Variants in PAG1 observed in about 807,000 individuals in gnomAD.
PAG1 encodes the protein phosphoprotein membrane anchor with glycosphingolipid microdomains 1.
A neutral mutation model predicts 31.7 loss-of-function variants in PAG1; 23 were observed. The ratio of observed to expected loss-of-function variants is 0.73; its 90% CI spans 0.52 to 1.03. The LOEUF (loss-of-function observed/expected upper bound fraction) is 1.03. Among genes scored for constraint, PAG1 ranks in the 50% least tolerant of loss-of-function variants. PAG1 has a pLI of 0.00. For missense variants in PAG1, 473 were observed against 540.7 expected (o/e 0.87, Z 1.24); for synonymous variants, 214 against 210.3 (o/e 1.02, Z -0.15).
At chr8:81,028,214 G>A (rs1411535029) in intron 3 of PAG1, among the ~76,000 whole-genome samples, 1 of 152,254 alleles carries the variant, frequency 6.6e-6, no homozygotes, top group African/African-American at 2.4e-5. Context: ...AGCCAGCTCA[G>A]TTTCCAGTTC....
In PAG1 at chr8:80,985,094, C is replaced by T. The variant is rs1311226080; in HGVS notation, c.558G>A (p.Glu186=). The T allele has an allele frequency of 6.2e-7, 1 of 1,614,144 alleles. No individual in the cohort carries two copies. Among genetic ancestry groups the T allele is most frequent in the Admixed American group, 1.7e-5 (1 of 60,014 alleles). ...GTGCAGCTGCAGCCACCTCCTTGAT[C>T]TCTTTCACAGTTTCATACAAGCAGT... ...VEDCLYETVK[E]IKEVAAAAHL... The change falls in exon 7 of 9, where the codon GAG becomes GAA. Residue 186 remains glutamate, a synonymous_variant. Transcript: ENST00000220597.
chr8:81,018,308 C>T (rs898629747), intron 3 of PAG1, among the ~76,000 whole-genome samples: 3 of 151,002 alleles, frequency 2.0e-5, no homozygotes, highest in African/African-American at 7.4e-5. Flanking sequence ...TCAAAGTGTA[C>T]ATTATCATTT....
At chr8:80,987,069 GTGT>G (rs1807439288) in intron 6 of PAG1, among the ~76,000 whole-genome samples, 2 of 152,160 alleles carry the variant, frequency 1.3e-5, no homozygotes. Flanking sequence ...TTACAGAGTA[GTGT>G]TATTATTAAT....
chr8:81,078,214 G>C (rs1809208538), intron 1 of PAG1, among the ~76,000 whole-genome samples: 1 of 152,122 alleles, frequency 6.6e-6, no homozygotes, highest in Admixed American at 6.5e-5. Flanking sequence ...AATCTGTTTA[G>C]TAAAATCAAC....
At chr8:81,041,522 T>G (rs1239755486) in intron 2 of PAG1, among the ~76,000 whole-genome samples, 1 of 152,212 alleles carries the variant, frequency 6.6e-6, no homozygotes, top group Non-Finnish European at 1.5e-5. Flanking sequence ...TTTATATCCC[T>G]ATTCCCATTT....
chr8:81,086,494 TGTGTGTGTGTGCGCGCGC>T (rs1219209863), intron 1 of PAG1, among the ~76,000 whole-genome samples: 2 of 151,074 alleles, frequency 1.3e-5, no homozygotes, highest in African/African-American at 4.9e-5. Context: ...GCAAGAAATG[TGTGTGTGTGTGCGCGCGC>T]GTGTGTGTGT....
chr8:81,071,387 ATGGAAACTCTCTTCTCTTGGCCTTT>A (rs1440580247), intron 1 of PAG1, among the ~76,000 whole-genome samples: 17 of 152,234 alleles, frequency 1.1e-4, no homozygotes, highest in African/African-American at 4.1e-4. Context: ...AAGAAAGGCA[ATGGAAACTCTCTTCTCTTGGCCTTT>A]TGCTGGGAAA....
At chr8:81,029,483 A>G (rs1393075419) in intron 3 of PAG1, among the ~76,000 whole-genome samples, 1 of 152,176 alleles carries the variant, frequency 6.6e-6, no homozygotes, top group East Asian at 1.9e-4. Context: ...CTAAAGGCTT[A>G]CTTAGCAGGT....
rs186103879 is a variant in PAG1, at chr8:81,083,765, T to C, written c.-233-13595A>G. On this transcript the variant is annotated intron_variant, in intron 1 of 8. Transcript: ENST00000220597. Reference sequence around the variant, plus strand: ...TATATGGGATCTCAGTCAGGTGTGGTGGCTTACACCTATGATCCCAGCACT... The same window carrying C: ...TATATGGGATCTCAGTCAGGTGTGGCGGCTTACACCTATGATCCCAGCACT... Among the ~76,000 whole-genome samples the C allele has an allele frequency of 4.0e-3, 616 of 152,310 alleles. 1 individual carries two copies. Among genetic ancestry groups the C allele is most frequent in the Non-Finnish European group, 6.9e-3 (466 of 68,024 alleles).
chr8:81,088,259 T>C (rs1809391157), intron 1 of PAG1, among the ~76,000 whole-genome samples: 2 of 152,210 alleles, frequency 1.3e-5, no homozygotes, highest in Non-Finnish European at 2.9e-5. Flanking sequence ...TTACAACTGG[T>C]TATCAATGCT....
chr8:81,021,516 GCA>G (rs1373747816), intron 3 of PAG1, among the ~76,000 whole-genome samples: 13 of 85,294 alleles, frequency 1.5e-4, no homozygotes, highest in South Asian at 3.4e-4. Flanking sequence ...GTGTGTGTGT[GCA>G]TGTGTGTGTG....
intron 3 of PAG1, among the ~76,000 whole-genome samples, chr8:80,999,302 T>G (rs982714037): frequency 5.9e-5 from 9 of 152,316 alleles, no homozygotes; most frequent in Admixed American, 3.9e-4. Flanking sequence ...TACACATGAT[T>G]GTTATCAAGA....
intron 2 of PAG1, among the ~76,000 whole-genome samples, chr8:81,065,909 T>C (rs1414512150): frequency 6.6e-6 from 1 of 152,086 alleles, no homozygotes; most frequent in Non-Finnish European, 1.5e-5. Context: ...AGGATTACAC[T>C]TGACTTACAT....
At chr8:81,054,007 C>T (rs1158290833) in intron 2 of PAG1, among the ~76,000 whole-genome samples, 2 of 152,074 alleles carry the variant, frequency 1.3e-5, no homozygotes, top group South Asian at 2.1e-4. Context: ...AGCTAAAGGA[C>T]GAGTGTGCCT....
At chr8:81,042,267 C>T (rs1808566590) in intron 2 of PAG1, among the ~76,000 whole-genome samples, 1 of 152,062 alleles carries the variant, frequency 6.6e-6, no homozygotes, top group African/African-American at 2.4e-5. Context: ...ACTCAGTGTC[C>T]CCTTCCATAA....
At position 81,104,382 on chromosome 8, in the gene PAG1, C is replaced by T. The variant is rs537355423; in HGVS notation, c.-234+7209G>A. ...TTCTTCTGACAGCCACCTTGGCCTTCGTCCTTTTTTTTTTTTTTTTCAGTC... is the reference window on the plus strand; with the variant it reads ...TTCTTCTGACAGCCACCTTGGCCTTTGTCCTTTTTTTTTTTTTTTTCAGTC... On this transcript the variant is annotated intron_variant, in intron 1 of 8. Coordinates refer to ENST00000220597, the MANE Select transcript of PAG1 (RefSeq NM_018440.4). 6.4e-3 allele frequency among the ~76,000 whole-genome samples: 682 copies of T among 105,982 alleles called. 6 individuals carry two copies. The highest frequency in any genetic ancestry group is 0.027 in the African/African-American group (647 of 24,126). The allele number at this position is 105,982 out of a possible 152,430, so 69.5% of individuals were successfully genotyped here.
At chr8:81,097,044 A>G (rs1327032566) in intron 1 of PAG1, among the ~76,000 whole-genome samples, 1 of 152,140 alleles carries the variant, frequency 6.6e-6, no homozygotes, top group African/African-American at 2.4e-5. Context: ...CCCTTCCACA[A>G]TTGCTCTCAT....
intron 3 of PAG1, among the ~76,000 whole-genome samples, chr8:81,013,196 A>G (rs1233344094): frequency 6.6e-6 from 1 of 152,214 alleles, no homozygotes; most frequent in African/African-American, 2.4e-5. Flanking sequence ...ATGAAATACC[A>G]TAGTTGTTTA....
At chr8:81,044,724 C>T (rs1808611361) in intron 2 of PAG1, among the ~76,000 whole-genome samples, 1 of 152,180 alleles carries the variant, frequency 6.6e-6, no homozygotes, top group African/African-American at 2.4e-5. Context: ...TCCTCACAAC[C>T]TCTCCTGTAA....
Sources: gnomAD v4.1 joint callset for allele counts (sites outside exome capture counted in the v4.1 genomes callset) on GRCh38, gnomAD v4.1.1 for gene constraint, MANE v1.5 for transcripts, NCBI Gene and HGNC (gene_info 2026-07-23, HGNC 2026-07-21) for gene names.